Variants in ZNF710 observed in about 807,000 individuals in gnomAD.
ZNF710 encodes the protein zinc finger protein 710.
A neutral mutation model predicts 50.6 loss-of-function variants in ZNF710; 13 were observed. That is an observed-to-expected ratio of 0.26 (90% CI 0.17 to 0.41). ZNF710 has a LOEUF of 0.41. ZNF710 is among the 10% of genes least tolerant of loss of function. The pLI is 1.00. For synonymous variants in ZNF710, 383 were observed against 397.0 expected, an observed-to-expected ratio of 0.96 and a Z score of 0.42; for missense variants, 721 against 936.6, an observed-to-expected ratio of 0.77 and a Z score of 3.01.
intron 1 of ZNF710, among the ~76,000 whole-genome samples, chr15:90,037,016 C>T (rs757854839): frequency 1.8e-4 from 28 of 152,034 alleles, no homozygotes; most frequent in Non-Finnish European, 4.1e-4. Flanking sequence ...AGAGCCAGCT[C>T]CAGGGTCAGG....
At chr15:90,045,008 G>C (rs893481145) in intron 1 of ZNF710, among the ~76,000 whole-genome samples, 3 of 152,100 alleles carry the variant, frequency 2.0e-5, no homozygotes, top group Non-Finnish European at 4.4e-5. Flanking sequence ...TCTTCTGTTA[G>C]TCTGCCTGCT....
chr15:90,005,839 A>G (rs1001301140), intron 1 of ZNF710, among the ~76,000 whole-genome samples: 4 of 152,160 alleles, frequency 2.6e-5, no homozygotes, highest in African/African-American at 9.7e-5. Flanking sequence ...TGCTTTGTGT[A>G]TTTGTCTCTC....
rs151200246 is a variant in ZNF710 at position 90,058,889 on chromosome 15, A to G, written c.-28-8221A>G. Among the ~76,000 whole-genome samples the G allele has an allele frequency of 1.9e-3, 292 of 152,204 alleles. 1 individual carries two copies. Among genetic ancestry groups the G allele is most frequent in the African/African-American group, 6.3e-3 (261 of 41,508 alleles). ...AGAATTCTTTCTCTGGGAAGCCTCA[A>G]TGTTTGCCCTTAAGGCCTTCAACTG... On this transcript the variant is annotated intron_variant, in intron 1 of 4. Transcript: ENST00000268154.
At position 90,034,175 on chromosome 15, in the gene ZNF710, G is replaced by A. The variant is rs936309360; in HGVS notation, c.-29+32561G>A. ...ATCGCATCATTGTACTCCAGCCTGG[G>A]TGACAGAGTGAGACTCTGTCTCAAA... On this transcript the variant is annotated intron_variant, in intron 1 of 4. Coordinates refer to ENST00000268154, the MANE Select transcript of ZNF710 (RefSeq NM_198526.4). This position sits in a 1 kb window ranked among gnomAD's most constrained non-coding sequence, Gnocchi z 4.0. Among the ~76,000 whole-genome samples the A allele has an allele frequency of 6.6e-6, 1 of 151,638 alleles. No individual in the cohort carries two copies. Among genetic ancestry groups the A allele is most frequent in the Admixed American group, 6.6e-5 (1 of 15,230 alleles).
chr15:90,066,897 G>T (rs977289803), intron 1 of ZNF710, among the ~76,000 whole-genome samples: 1 of 152,184 alleles, frequency 6.6e-6, no homozygotes, highest in Non-Finnish European at 1.5e-5. Context: ...CTTACCCCAG[G>T]ATCTCCCAGG....
chr15:90,067,882 CAGG>C lies in ZNF710; in HGVS notation c.749_751del (p.Glu250del), dbSNP rs1900238119. The C allele has an allele frequency of 6.2e-7, 1 of 1,610,038 alleles. No homozygotes were observed. The highest frequency in any genetic ancestry group is 1.3e-5 in the African/African-American group (1 of 74,884). ...CAAGCCGGAACAGGGCTTCGTGTGG[CAGG>C]AGGCCAGTGAGTTCGAGGCTGACAC... On this transcript the variant is annotated inframe_deletion, in exon 2 of 5. Coordinates refer to ENST00000268154, the MANE Select transcript of ZNF710 (RefSeq NM_198526.4). The surrounding 1 kb of genome is among the most constrained non-coding windows in gnomAD (Gnocchi z 8.1).
In ZNF710 at chr15:90,062,097, G is replaced by A. The variant is rs984078789; in HGVS notation, c.-28-5013G>A. ...TCCTGGGCTTCCGGTGTCACTGCAC[G>A]CCCCTCCCCCTCCCGCCTTTGTTTC... On this transcript the variant is annotated intron_variant, in intron 1 of 4. Transcript: ENST00000268154. The surrounding 1 kb of genome is among the most constrained non-coding windows in gnomAD (Gnocchi z 5.6). Among the ~76,000 whole-genome samples the A allele has an allele frequency of 2.6e-5, 4 of 151,496 alleles. No homozygotes were observed. Among genetic ancestry groups the A allele is most frequent in the South Asian group, 2.1e-4 (1 of 4,790 alleles).
At chr15:90,074,555 C>T in intron 4 of ZNF710, 1 of 1,391,444 alleles carries the variant, frequency 7.2e-7, no homozygotes, top group Non-Finnish European at 9.5e-7. Flanking sequence ...TAACTGTGTG[C>T]CAGGCCTTTA....
At chr15:90,028,747 A>G (rs912572448) in intron 1 of ZNF710, among the ~76,000 whole-genome samples, 3 of 152,246 alleles carry the variant, frequency 2.0e-5, no homozygotes, top group African/African-American at 7.2e-5. Flanking sequence ...CTCCAGTGCA[A>G]GAATTGGCAG....
intron 1 of ZNF710, among the ~76,000 whole-genome samples, chr15:90,063,714 T>C (rs567873537): frequency 1.1e-4 from 17 of 152,310 alleles, no homozygotes; most frequent in African/African-American, 4.1e-4. Flanking sequence ...TTACCCTTGC[T>C]GTAGGGAACC....
chr15:90,000,407 A>T (rs1897983026), upstream of ZNF710, among the ~76,000 whole-genome samples: 1 of 151,990 alleles, frequency 6.6e-6, no homozygotes, highest in South Asian at 2.1e-4. Flanking sequence ...GCGGCCCCTC[A>T]GGGAGCCGAG....
At chr15:89,999,508 TGGGGTCATTG>T (rs954389040), upstream of ZNF710, among the ~76,000 whole-genome samples, 2 of 152,208 alleles carry the variant, frequency 1.3e-5, no homozygotes, top group Admixed American at 6.5e-5. Flanking sequence ...GCAAAGGCCC[TGGGGTCATTG>T]GGGGCTCAGG....
At chr15:90,074,080 C>T (rs1243192138) in intron 3 of ZNF710, 36 bp from the exon 4 acceptor site, 6 of 1,580,336 alleles carry the variant, frequency 3.8e-6, no homozygotes, top group Non-Finnish European at 5.1e-6. Context: ...AAGCAGGTTC[C>T]CCACAGGCTC....
At chr15:90,022,617 G>A (rs1241651750) in intron 1 of ZNF710, among the ~76,000 whole-genome samples, 1 of 152,234 alleles carries the variant, frequency 6.6e-6, no homozygotes, top group Non-Finnish European at 1.5e-5. Flanking sequence ...CATAAGCCGG[G>A]AGACTTGGGG....
intron 1 of ZNF710, among the ~76,000 whole-genome samples, chr15:90,065,017 G>A (rs1900122561): frequency 6.6e-6 from 1 of 152,172 alleles, no homozygotes; most frequent in Non-Finnish European, 1.5e-5. Flanking sequence ...CATTGGGGTG[G>A]GGTGTGGTGG....
rs1899034294 is a variant in ZNF710, at chr15:90,034,187, G to A, written c.-29+32573G>A. ...TACTCCAGCCTGGGTGACAGAGTGAGACTCTGTCTCAAAAAAAAAGAAAAG... is the reference window on the plus strand; with the variant it reads ...TACTCCAGCCTGGGTGACAGAGTGAAACTCTGTCTCAAAAAAAAAGAAAAG... On this transcript the variant is annotated intron_variant, in intron 1 of 4. Coordinates refer to ENST00000268154, the MANE Select transcript of ZNF710 (RefSeq NM_198526.4). The surrounding 1 kb of genome is among the most constrained non-coding windows in gnomAD (Gnocchi z 4.0). Among the ~76,000 whole-genome samples, 1 of 150,374 alleles carries A rather than the reference G, an allele frequency of 6.7e-6. No homozygotes were observed. The highest frequency in any genetic ancestry group is 6.6e-5 in the Admixed American group (1 of 15,112).
chr15:90,045,609 TGAG>T (rs1342984412), intron 1 of ZNF710, among the ~76,000 whole-genome samples: 3 of 151,780 alleles, frequency 2.0e-5, no homozygotes, highest in South Asian at 4.2e-4. Flanking sequence ...TGCTGCCAGA[TGAG>T]GAGGAGGCCC....
chr15:90,056,115 TAA>T (rs1293151517), intron 1 of ZNF710, among the ~76,000 whole-genome samples: 1 of 120,516 alleles, frequency 8.3e-6, no homozygotes, highest in Non-Finnish European at 1.7e-5. Context: ...GACTCCATCT[TAA>T]AAAAAAAAAA....
At chr15:90,032,266 G>A (rs1898971340) in intron 1 of ZNF710, among the ~76,000 whole-genome samples, 1 of 152,078 alleles carries the variant, frequency 6.6e-6, no homozygotes, top group African/African-American at 2.4e-5. Context: ...CCAAAGTGCT[G>A]GGATTATAGG....
Sources: allele counts gnomAD v4.1 joint callset (sites outside exome capture counted in the v4.1 genomes callset), GRCh38; gene constraint gnomAD v4.1.1; non-coding constraint Gnocchi (gnomAD v3.1); transcripts MANE v1.5; gene names NCBI Gene and HGNC (gene_info 2026-07-23, HGNC 2026-07-21).